SYT1: variants seen among roughly 807,000 people sequenced by gnomAD.
SYT1 encodes synaptotagmin 1.
SYT1 carries 8 observed loss-of-function variants against 44.8 expected under a neutral mutation model. That is an observed-to-expected ratio of 0.18 (90% CI 0.10 to 0.32). The LOEUF (loss-of-function observed/expected upper bound fraction) is 0.32, where lower values mean the gene tolerates loss of function less well. Among genes scored for constraint, SYT1 ranks in the 10% least tolerant of loss-of-function variants. The pLI, the probability that SYT1 is intolerant of heterozygous loss-of-function variation, is 1.00. For missense variants in SYT1, 286 were observed against 509.3 expected, an observed-to-expected ratio of 0.56 and a Z score of 4.22; for synonymous variants, 154 against 188.8, an observed-to-expected ratio of 0.82 and a Z score of 1.51.
intron 8 of SYT1, among the ~76,000 whole-genome samples, chr12:79,336,733 A>G (rs1882106702): frequency 6.6e-6 from 1 of 152,158 alleles, no homozygotes; most frequent in East Asian, 1.9e-4. Flanking sequence ...GGGCTCAAGC[A>G]ATCCTTCCAC....
chr12:79,006,564 T>C (rs1371058882), intron 2 of SYT1, among the ~76,000 whole-genome samples: 1 of 152,160 alleles, frequency 6.6e-6, no homozygotes, highest in Non-Finnish European at 1.5e-5. Flanking sequence ...AAGTATTTGG[T>C]GCCATCTTCT....
chr12:78,951,822 C>T (rs933032768), intron 1 of SYT1, among the ~76,000 whole-genome samples: 6 of 152,070 alleles, frequency 3.9e-5, no homozygotes, highest in African/African-American at 1.4e-4. Flanking sequence ...CGTGCAGCTC[C>T]CAGTGATTTG....
intron 3 of SYT1, among the ~76,000 whole-genome samples, chr12:79,136,703 T>G (rs1266514983): frequency 6.6e-6 from 1 of 152,190 alleles, no homozygotes. Flanking sequence ...GGTCAATAAT[T>G]TATTGCTCTT....
intron 3 of SYT1, among the ~76,000 whole-genome samples, chr12:79,099,825 A>G (rs1307883287): frequency 6.6e-6 from 1 of 152,132 alleles, no homozygotes; most frequent in Non-Finnish European, 1.5e-5. Context: ...AATCTAGTTC[A>G]CATTTTTCAA....
chr12:78,917,092 AT>A (rs1042201903), intron 1 of SYT1, among the ~76,000 whole-genome samples: 1 of 151,614 alleles, frequency 6.6e-6, no homozygotes, highest in Non-Finnish European at 1.5e-5. Flanking sequence ...ATGCAGAGCT[AT>A]TTTTTTTATA....
At chr12:78,989,911 G>A (rs1254480770) in intron 2 of SYT1, among the ~76,000 whole-genome samples, 2 of 152,050 alleles carry the variant, frequency 1.3e-5, no homozygotes, top group Non-Finnish European at 2.9e-5. Context: ...GTGCACTCAA[G>A]ATATCTTCAT....
intron 3 of SYT1, among the ~76,000 whole-genome samples, chr12:79,168,402 A>C (rs1474005221): frequency 1.3e-5 from 2 of 152,218 alleles, no homozygotes; most frequent in East Asian, 3.9e-4. Context: ...TAAGTGTCTC[A>C]GTAATCTTTA....
chr12:79,222,662 C>T lies in SYT1; in HGVS notation c.166+4977C>T, dbSNP rs191930508. 4.1e-3 allele frequency among the ~76,000 whole-genome samples: 624 copies of T among 152,282 alleles called. 3 individuals carry two copies. The highest frequency in any genetic ancestry group is 0.014 in the African/African-American group (586 of 41,566). On this transcript the variant is annotated intron_variant, in intron 4 of 10. Coordinates refer to ENST00000261205, the MANE Select transcript of SYT1 (RefSeq NM_005639.3). ...CATCCTAAAGTGCTGGGATTCCAGG[C>T]GTGAGCCACTGCACCTGGCCTACTT...
intron 3 of SYT1, among the ~76,000 whole-genome samples, chr12:79,146,769 A>G (rs1177440377): frequency 6.6e-6 from 1 of 152,212 alleles, no homozygotes; most frequent in Non-Finnish European, 1.5e-5. Flanking sequence ...ACGTTTTTAG[A>G]TCTGACCTGG....
At chr12:78,925,539 T>C (rs981837631) in intron 1 of SYT1, among the ~76,000 whole-genome samples, 1 of 151,920 alleles carries the variant, frequency 6.6e-6, no homozygotes, top group Non-Finnish European at 1.5e-5. Context: ...TAGTTTTCTA[T>C]TCTTTTTAAA....
chr12:78,947,738 C>T (rs1264756384), intron 1 of SYT1, among the ~76,000 whole-genome samples: 1 of 150,316 alleles, frequency 6.7e-6, no homozygotes, highest in African/African-American at 2.5e-5. Flanking sequence ...CTTTATATAA[C>T]TATTTAGGTT....
chr12:79,041,434 T>C lies in SYT1; in HGVS notation c.-83-5863T>C, dbSNP rs974427714. On this transcript the variant is annotated intron_variant, in intron 2 of 10. Coordinates refer to ENST00000261205, the MANE Select transcript of SYT1 (RefSeq NM_005639.3). Reference sequence around the variant, plus strand: ...GATTTGGCTCTCTGTTTGTCTGTTGTTGGTGTATAAGAATGCTTGTGATTT... The same window carrying C: ...GATTTGGCTCTCTGTTTGTCTGTTGCTGGTGTATAAGAATGCTTGTGATTT... 9.2e-5 allele frequency among the ~76,000 whole-genome samples: 14 copies of C among 151,356 alleles called. No individual in the cohort carries two copies. In the East Asian group the frequency reaches 2.7e-3, roughly 29 times the overall value.
intron 3 of SYT1, among the ~76,000 whole-genome samples, chr12:79,054,396 A>T (rs1296938812): frequency 1.3e-5 from 2 of 152,062 alleles, no homozygotes; most frequent in Admixed American, 1.3e-4. Flanking sequence ...ATTATTAAAG[A>T]CAGCAATCTT....
At chr12:79,277,857 A>G (rs11113425) in intron 4 of SYT1, among the ~76,000 whole-genome samples, 27,159 of 151,974 alleles carry the variant, frequency 0.18, 3,095 homozygotes, top group South Asian at 0.29. Flanking sequence ...AGCAAGCAGT[A>G]GTACCTATTC....
At chr12:79,260,888 C>T (rs1296483885) in intron 4 of SYT1, among the ~76,000 whole-genome samples, 1 of 151,820 alleles carries the variant, frequency 6.6e-6, no homozygotes, top group Non-Finnish European at 1.5e-5. Context: ...AATATCCAAC[C>T]ATATCATGAG....
chr12:78,977,942 A>G lies in SYT1; in HGVS notation c.-84+11A>G, dbSNP rs1293322749. On this transcript the variant is annotated intron_variant, in intron 2 of 10. Transcript: ENST00000261205. ...AACTGTCTGATTAAGGTATTTGGAA[A>G]AAACAAATTTTTGACACATTTTGTT... 1 of 152,218 alleles carries G rather than the reference A, an allele frequency of 6.6e-6. No homozygotes were observed. Among genetic ancestry groups the G allele is most frequent in the Non-Finnish European group, 1.5e-5 (1 of 68,050 alleles). 9.4% of individuals were successfully genotyped at this position (152,218 alleles called of 1,614,324 possible). A position where few individuals can be genotyped will look rare whatever the true frequency, so the allele number is the denominator to read the frequency against.
chr12:79,316,056 A>C (rs113828982), intron 8 of SYT1, among the ~76,000 whole-genome samples: 6 of 152,332 alleles, frequency 3.9e-5, no homozygotes, highest in African/African-American at 1.4e-4. Flanking sequence ...AATAAAATGC[A>C]CAGATGTTAA....
chr12:79,137,241 G>A (rs560744806), intron 3 of SYT1, among the ~76,000 whole-genome samples: 10 of 151,906 alleles, frequency 6.6e-5, no homozygotes, highest in South Asian at 2.1e-4. Context: ...GATTACAGGC[G>A]TGCACCACCA....
At chr12:79,248,536 T>C (rs1007962425) in intron 4 of SYT1, among the ~76,000 whole-genome samples, 6 of 152,170 alleles carry the variant, frequency 3.9e-5, no homozygotes, top group Admixed American at 3.9e-4. Flanking sequence ...AGTATGGTGT[T>C]TGTGAAAATG....
Sources: allele counts gnomAD v4.1 joint callset (sites outside exome capture counted in the v4.1 genomes callset), GRCh38; gene constraint gnomAD v4.1.1; transcripts MANE v1.5; gene names NCBI Gene and HGNC (gene_info 2026-07-23, HGNC 2026-07-21).